FBXO36: variants seen among roughly 807,000 people sequenced by gnomAD.
The protein encoded by FBXO36 is F-box only protein 36.
A neutral mutation model predicts 17.0 loss-of-function variants in FBXO36; 18 were observed. The observed-to-expected ratio is 1.06, with a 90% CI of 0.73 to 1.57. The LOEUF (loss-of-function observed/expected upper bound fraction) is 1.57. Among genes scored for constraint, FBXO36 ranks in the 40% most tolerant of loss-of-function variants. The pLI is 0.00. For synonymous variants in FBXO36, 83 were observed against 85.3 expected (o/e 0.97, Z 0.15); for missense variants, 229 against 221.9 (o/e 1.03, Z -0.20).
At chr2:229,951,435 G>A (rs2077057456) in intron 1 of FBXO36, among the ~76,000 whole-genome samples, 1 of 151,238 alleles carries the variant, frequency 6.6e-6, no homozygotes, top group Admixed American at 6.6e-5. Context: ...GTAGAGATGG[G>A]GTTTCATCGT....
chr2:229,997,061 G>A, intron 3 of FBXO36, 138 bp downstream of exon 3: 1 of 745,120 alleles, frequency 1.3e-6, no homozygotes, highest in South Asian at 1.8e-5. Context: ...GAGATGAAAT[G>A]ACATTCCTCC....
chr2:229,998,319 T>A (rs1407444182), intron 3 of FBXO36, among the ~76,000 whole-genome samples: 4 of 152,012 alleles, frequency 2.6e-5, no homozygotes, highest in African/African-American at 9.7e-5. Flanking sequence ...AGTACATTTT[T>A]AAAAAATTAG....
At chr2:229,962,260 A>G (rs2077125354) in intron 1 of FBXO36, among the ~76,000 whole-genome samples, 1 of 151,860 alleles carries the variant, frequency 6.6e-6, no homozygotes, top group South Asian at 2.1e-4. Context: ...AATGTAGGGT[A>G]TATTTCTTCC....
In FBXO36 at chr2:229,944,488, C is replaced by A. The variant is rs145775803; in HGVS notation, c.96+21879C>A. On this transcript the variant is annotated intron_variant, in intron 1 of 3. Transcript: ENST00000283946. ...AATGAATGGCTTAAGGCAAAAAATT[C>A]TTTTATTAGTACCCAAAAGTGTAGA... is the stretch of plus-strand genomic sequence containing the variant. Among the ~76,000 whole-genome samples the A allele has an allele frequency of 6.3e-3, 958 of 151,682 alleles. 12 individuals are homozygous for A. The highest frequency in any genetic ancestry group is 0.014 in the Middle Eastern group (4 of 294).
chr2:229,955,584 C>T (rs2077083289), intron 1 of FBXO36, among the ~76,000 whole-genome samples: 1 of 152,084 alleles, frequency 6.6e-6, no homozygotes, highest in Admixed American at 6.5e-5. Flanking sequence ...TTTTCTCTCC[C>T]TCATCAAAGA....
chr2:229,963,214 TGCCACCA>T (rs2077133040), intron 1 of FBXO36, among the ~76,000 whole-genome samples: 1 of 151,182 alleles, frequency 6.6e-6, no homozygotes, highest in Non-Finnish European at 1.5e-5. Flanking sequence ...TACAGGCACC[TGCCACCA>T]CACCCAGCTA....
At chr2:229,968,898 C>T (rs761964040) in intron 1 of FBXO36, among the ~76,000 whole-genome samples, 8 of 151,878 alleles carry the variant, frequency 5.3e-5, no homozygotes, top group Non-Finnish European at 7.4e-5. Flanking sequence ...CTCAGCCTCC[C>T]GAGTAGCTGA....
rs936172498 is a variant in FBXO36, at chr2:230,012,590, G to A, written c.*1706G>A. On this transcript the variant is annotated 3_prime_UTR_variant, in exon 4 of 4. Coordinates refer to ENST00000283946, the MANE Select transcript of FBXO36 (RefSeq NM_174899.5). ...TTTGCTAGGGCAGGTACAGGTAAAG[G>A]TAACCAGCAGGCAGCTGAGAGCAAG... The A allele has an allele frequency of 6.6e-6, 1 of 151,884 alleles. No homozygotes were observed. Among genetic ancestry groups the A allele is most frequent in the Non-Finnish European group, 1.5e-5 (1 of 67,950 alleles). The allele number at this position is 151,884 out of a possible 1,614,324, so 9.4% of individuals were successfully genotyped here. A position where few individuals can be genotyped will look rare whatever the true frequency, so the allele number is the denominator to read the frequency against.
rs145142860 is a variant in FBXO36 at position 230,008,583 on chromosome 2, A to G, written c.379-2113A>G. 5.3e-3 allele frequency among the ~76,000 whole-genome samples: 808 copies of G among 152,286 alleles called. 6 individuals are homozygous for G. Among genetic ancestry groups the G allele is most frequent in the African/African-American group, 0.018 (754 of 41,516 alleles). On this transcript the variant is annotated intron_variant, in intron 3 of 3. Transcript: ENST00000283946. Reference sequence around the variant, plus strand: ...ATGAAGTTATACTAGTGGAAATTTTAGCTCTTTTGAGAATTATTTCCTTTC... The same window carrying G: ...ATGAAGTTATACTAGTGGAAATTTTGGCTCTTTTGAGAATTATTTCCTTTC...
intron 3 of FBXO36, among the ~76,000 whole-genome samples, chr2:230,004,931 A>G (rs111949012): frequency 0.044 from 6,671 of 152,136 alleles, 517 homozygotes; most frequent in African/African-American, 0.15. Context: ...GCTTGAACCC[A>G]GAAGGCAGAG....
intron 3 of FBXO36, among the ~76,000 whole-genome samples, chr2:229,999,589 G>T (rs954513204): frequency 3.3e-5 from 5 of 149,658 alleles, no homozygotes; most frequent in Non-Finnish European, 5.9e-5. Context: ...TGTTGCCCAG[G>T]TTGCTCTTGA....
intron 3 of FBXO36, among the ~76,000 whole-genome samples, chr2:229,998,623 AG>A (rs756104450): frequency 1.5e-5 from 2 of 132,792 alleles, no homozygotes; most frequent in South Asian, 2.5e-4. Flanking sequence ...ACTCAGTCTC[AG>A]AAAAAAAAAA....
At chr2:229,986,372 G>A (rs535755328) in intron 2 of FBXO36, among the ~76,000 whole-genome samples, 3 of 152,080 alleles carry the variant, frequency 2.0e-5, no homozygotes, top group South Asian at 2.1e-4. Context: ...GTGGATTCAC[G>A]TTCACCTGTG....
chr2:229,968,150 T>C (rs2077163346), intron 1 of FBXO36, among the ~76,000 whole-genome samples: 1 of 151,610 alleles, frequency 6.6e-6, no homozygotes. Flanking sequence ...ATTTTTAATC[T>C]GATTTGAGAA....
intron 2 of FBXO36, among the ~76,000 whole-genome samples, chr2:229,978,528 G>A (rs526475): frequency 0.24 from 34,870 of 146,808 alleles, 4,186 homozygotes; most frequent in East Asian, 0.46. Context: ...TGGAGGTTGC[G>A]GTGAGCCGAG....
intron 1 of FBXO36, among the ~76,000 whole-genome samples, chr2:229,964,890 G>A (rs2077143077): frequency 6.6e-6 from 1 of 152,182 alleles, no homozygotes; most frequent in South Asian, 2.1e-4. Flanking sequence ...TTTACCAGTT[G>A]ATGTTTGTTT....
chr2:229,996,463 G>A (rs1489375445), intron 2 of FBXO36, among the ~76,000 whole-genome samples: 2 of 152,108 alleles, frequency 1.3e-5, no homozygotes, highest in African/African-American at 2.4e-5. Flanking sequence ...TAGTGGTATA[G>A]ACTGGAGTTT....
intron 1 of FBXO36, chr2:229,932,986 G>C (rs2076946932): frequency 5.6e-6 from 1 of 178,890 alleles, no homozygotes; most frequent in African/African-American, 2.4e-5. Context: ...AGAATCGCTT[G>C]AAACCAAGAG....
chr2:229,963,570 G>A (rs1409894952), intron 1 of FBXO36, among the ~76,000 whole-genome samples: 1 of 150,158 alleles, frequency 6.7e-6, no homozygotes, highest in African/African-American at 2.5e-5. Flanking sequence ...TCAGCCTCCC[G>A]AGTAGCTGGG....
Sources: gnomAD v4.1 joint callset for allele counts (sites outside exome capture counted in the v4.1 genomes callset) on GRCh38, gnomAD v4.1.1 for gene constraint, MANE v1.5 for transcripts, NCBI Gene and HGNC (gene_info 2026-07-23, HGNC 2026-07-21) for gene names.